The following TRIM2 variants were observed in gnomAD, a reference collection of about 807,000 sequenced individuals.
TRIM2 encodes tripartite motif containing 2.
In TRIM2, 20 loss-of-function variants were observed where a neutral mutation model predicts 75.2. The ratio of observed to expected loss-of-function variants is 0.27; its 90% CI spans 0.19 to 0.39. The LOEUF (loss-of-function observed/expected upper bound fraction) is 0.39. Ranked by LOEUF, TRIM2 falls within the 10% of genes least tolerant of loss-of-function variation. The pLI is 1.00. For synonymous variants in TRIM2, 373 were observed against 388.3 expected, an observed-to-expected ratio of 0.96 and a Z score of 0.46; for missense variants, 660 against 990.8, an observed-to-expected ratio of 0.67 and a Z score of 4.48.
At chr4:153,274,342 A>G (rs1397163771) in intron 2 of TRIM2, among the ~76,000 whole-genome samples, 1 of 152,210 alleles carries the variant, frequency 6.6e-6, no homozygotes, top group African/African-American at 2.4e-5. Context: ...TGGAAAATGA[A>G]GGACAGTAAG....
chr4:153,309,510 T>C (rs1468040698), intron 6 of TRIM2: 3 of 152,230 alleles, frequency 2.0e-5, no homozygotes, highest in Admixed American at 6.5e-5. Context: ...CACTTTTTCA[T>C]CCAGCAAACA....
intron 1 of TRIM2, among the ~76,000 whole-genome samples, chr4:153,237,200 T>A (rs941933441): frequency 1.3e-5 from 2 of 152,156 alleles, no homozygotes; most frequent in Admixed American, 1.3e-4. Flanking sequence ...ATATATTTCT[T>A]CTACATGCAA....
chr4:153,321,829 C>G (rs760709782), intron 8 of TRIM2, among the ~76,000 whole-genome samples: 19 of 152,130 alleles, frequency 1.2e-4, no homozygotes, highest in Admixed American at 4.6e-4. Context: ...TACAGTAAAC[C>G]CTTTACCTAC....
chr4:153,331,744 C>T (rs529995448), intron 11 of TRIM2, among the ~76,000 whole-genome samples: 1 of 149,886 alleles, frequency 6.7e-6, no homozygotes, highest in East Asian at 2.1e-4. Flanking sequence ...AGCTATATGA[C>T]TTACTATATA....
chr4:153,303,926 C>G (rs1379186594), intron 6 of TRIM2, among the ~76,000 whole-genome samples: 1 of 152,090 alleles, frequency 6.6e-6, no homozygotes, highest in Non-Finnish European at 1.5e-5. Context: ...TATGTTAGGT[C>G]ATCCTTATAA....
rs559012420 is a variant in TRIM2, at chr4:153,153,921, A to C, written c.-49+651A>C. 2.6e-5 allele frequency among the ~76,000 whole-genome samples: 4 copies of C among 152,324 alleles called. No homozygotes were observed. In the East Asian group the frequency reaches 7.7e-4, roughly 29 times the overall value. On this transcript the variant is annotated intron_variant, in intron 1 of 11. Coordinates refer to the TRIM2 transcript ENST00000437508. Reference sequence around the variant, plus strand: ...CAAGGGGTTTAAGAGGGCAGACATGAAGTGAAAAGACCTCAATTCCCTCCT... The same window carrying C: ...CAAGGGGTTTAAGAGGGCAGACATGCAGTGAAAAGACCTCAATTCCCTCCT...
At chr4:153,308,303 A>C in intron 6 of TRIM2, 1 of 1,526,724 alleles carries the variant, frequency 6.5e-7, no homozygotes, top group South Asian at 1.1e-5. Flanking sequence ...CCTTCTCCAG[A>C]TCAGTCTTGT....
Position 153,338,616 on chromosome 4 carries a change from A to G in TRIM2, c.*3650A>G, listed in dbSNP as rs1772726230. On this transcript the variant is annotated 3_prime_UTR_variant, in exon 12 of 12. Transcript: ENST00000338700. ...GCCCATCAAAGATTTGTTTGGTATA[A>G]ATAAAGAATTATTTGTTTTGTTTTC... 1 of 985,358 alleles carries G rather than the reference A, an allele frequency of 1.0e-6. No homozygotes were observed. Among genetic ancestry groups the G allele is most frequent in the Non-Finnish European group, 1.2e-6 (1 of 829,614 alleles). The allele number at this position is 985,358 out of a possible 1,614,324, so 61.0% of individuals were successfully genotyped here. A position where few individuals can be genotyped will look rare whatever the true frequency, so the allele number is the denominator to read the frequency against.
chr4:153,172,429 CG>C (rs1560784320), intron 1 of TRIM2, among the ~76,000 whole-genome samples: 4 of 152,318 alleles, frequency 2.6e-5, no homozygotes, highest in African/African-American at 7.2e-5. Flanking sequence ...CCCCATGATC[CG>C]CCCGCCTTGG....
intron 8 of TRIM2, among the ~76,000 whole-genome samples, chr4:153,320,837 T>G (rs1768789566): frequency 8.2e-6 from 1 of 121,342 alleles, no homozygotes; most frequent in South Asian, 2.7e-4. Flanking sequence ...TTCACCACCT[T>G]GGCCAACTGG....
chr4:153,302,396 C>T (rs905510562), intron 6 of TRIM2, among the ~76,000 whole-genome samples: 5 of 152,204 alleles, frequency 3.3e-5, no homozygotes, highest in African/African-American at 1.2e-4. Flanking sequence ...GAAATGACAT[C>T]TCTGTCACCC....
intron 6 of TRIM2, among the ~76,000 whole-genome samples, chr4:153,300,391 C>T (rs1490830120): frequency 6.6e-6 from 1 of 152,126 alleles, no homozygotes; most frequent in Non-Finnish European, 1.5e-5. Context: ...CAGATGCTCC[C>T]ACTTCAGCCT....
chr4:153,336,361 A>G lies in TRIM2; in HGVS notation c.*1395A>G, dbSNP rs1294674731. On this transcript the variant is annotated 3_prime_UTR_variant, in exon 12 of 12. Coordinates refer to ENST00000338700, the MANE Select transcript of TRIM2 (RefSeq NM_015271.5). ...TTCTGTGCTTTCAAAAAAAAAAACA[A>G]AAAAAAAACCACACACACACATAAA... 4.5e-5 allele frequency: 44 copies of G among 983,664 alleles called. No individual in the cohort carries two copies. The highest frequency in any genetic ancestry group is 5.3e-5 in the Non-Finnish European group (44 of 829,216). The allele number at this position is 983,664 out of a possible 1,614,324, so 60.9% of individuals were successfully genotyped here.
At position 153,315,984 on chromosome 4, in the gene TRIM2, C is replaced by T. The variant is rs767007696; in HGVS notation, c.1767C>T (p.Ser589=). 23 of 1,567,946 alleles carry T rather than the reference C, an allele frequency of 1.5e-5. No homozygotes were observed. The Middle Eastern group carries it at 5.1e-4, about 35-fold the overall frequency. Residue 589 remains serine (S), a synonymous_variant, in exon 8 of 12, where the codon TCC becomes TCT. Coordinates refer to ENST00000338700, the MANE Select transcript of TRIM2 (RefSeq NM_015271.5). ...ATAAATGGGTCAGCATTTTCTCCTC[C>T]GATGGGAAATTTAAGGTAAGATTAA... ...YDNKWVSIFS[S]DGKFKTKIGS... is the part of the protein sequence containing the mutation.
intron 6 of TRIM2, chr4:153,309,752 T>A (rs2150212529): frequency 6.6e-6 from 1 of 151,862 alleles, no homozygotes; most frequent in East Asian, 1.9e-4. Flanking sequence ...GCCTCCTGAG[T>A]AGCTGGGATT....
chr4:153,176,260 C>T (rs1731423732), intron 1 of TRIM2, among the ~76,000 whole-genome samples: 1 of 151,956 alleles, frequency 6.6e-6, no homozygotes, highest in African/African-American at 2.4e-5. Context: ...TTGAGACCAG[C>T]CTGAGCAACA....
At chr4:153,305,446 A>T (rs931532721) in intron 6 of TRIM2, among the ~76,000 whole-genome samples, 2 of 152,242 alleles carry the variant, frequency 1.3e-5, no homozygotes, top group Non-Finnish European at 2.9e-5. Flanking sequence ...AATATGGTAG[A>T]TAAAGAGCTT....
chr4:153,156,125 C>T (rs990450912), intron 1 of TRIM2, among the ~76,000 whole-genome samples: 18 of 152,212 alleles, frequency 1.2e-4, no homozygotes, highest in African/African-American at 3.6e-4. Context: ...ACACCCCAGC[C>T]GAAGCTGGCC....
chr4:153,330,417 A>G (rs1771199290), intron 11 of TRIM2, among the ~76,000 whole-genome samples: 2 of 152,208 alleles, frequency 1.3e-5, no homozygotes, highest in Admixed American at 6.5e-5. Flanking sequence ...AAGATATATT[A>G]ACAAATATAA....
Sources: gnomAD v4.1 joint callset for allele counts (sites outside exome capture counted in the v4.1 genomes callset) on GRCh38, gnomAD v4.1.1 for gene constraint, MANE v1.5 for transcripts, NCBI Gene and HGNC (gene_info 2026-07-23, HGNC 2026-07-21) for gene names.